PPARGC1A: variants seen among roughly 807,000 people sequenced by gnomAD.
PPARGC1A encodes the protein peroxisome proliferator-activated receptor gamma coactivator 1-alpha.
Under a neutral mutation model 88.7 loss-of-function variants are expected in PPARGC1A, and 25 were observed. That is an observed-to-expected ratio of 0.28 (90% CI 0.21 to 0.39). The LOEUF is 0.39. PPARGC1A is among the 10% of genes least tolerant of loss of function. The pLI is 1.00. For synonymous variants in PPARGC1A, 363 were observed against 355.6 expected, an observed-to-expected ratio of 1.02 and a Z score of -0.24; for missense variants, 880 against 968.7, an observed-to-expected ratio of 0.91 and a Z score of 1.22.
the PPARGC1A span, among the ~76,000 whole-genome samples, chr4:24,088,373 AGAAGAAG>A: frequency 3.3e-5 from 5 of 151,934 alleles, no homozygotes; most frequent in African/African-American, 9.7e-5. Context: ...AAAAAAAGAA[AGAAGAAG>A]GAAGAAGGAA....
At chr4:24,414,544 TG>T in the PPARGC1A span, among the ~76,000 whole-genome samples, 1 of 152,192 alleles carries the variant, frequency 6.6e-6, no homozygotes, top group Non-Finnish European at 1.5e-5. Context: ...CCTAGTTCAG[TG>T]GTCCCCAGTC....
At chr4:24,454,106 A>G in the PPARGC1A span, among the ~76,000 whole-genome samples, 322 of 151,946 alleles carry the variant, frequency 2.1e-3, 1 homozygote, top group Middle Eastern at 0.01. Flanking sequence ...AAACGTGGAT[A>G]CATGGCTGTG....
At chr4:24,354,877 A>G in the PPARGC1A span, among the ~76,000 whole-genome samples, 7 of 148,408 alleles carry the variant, frequency 4.7e-5, no homozygotes, top group African/African-American at 1.7e-4. Flanking sequence ...ACAGAGCAAG[A>G]CTGTCAAAAA....
chr4:24,221,000 G>A, the PPARGC1A span, among the ~76,000 whole-genome samples: 1 of 152,126 alleles, frequency 6.6e-6, no homozygotes, highest in South Asian at 2.1e-4. Flanking sequence ...AAAAAAAAAT[G>A]AGGACATCTC....
chr4:24,073,490 C>T, the PPARGC1A span, among the ~76,000 whole-genome samples: 1 of 152,166 alleles, frequency 6.6e-6, no homozygotes, highest in Admixed American at 6.5e-5. Context: ...GAACCCTGAC[C>T]CCTTAACTTG....
the PPARGC1A span, among the ~76,000 whole-genome samples, chr4:24,166,456 C>T: frequency 1.9e-4 from 29 of 152,184 alleles, no homozygotes; most frequent in Non-Finnish European, 1.5e-5. Context: ...GAAGAAGATG[C>T]CATCTAGGAC....
the PPARGC1A span, among the ~76,000 whole-genome samples, chr4:24,047,793 A>G: frequency 3.3e-5 from 5 of 152,198 alleles, no homozygotes; most frequent in African/African-American, 1.2e-4. Context: ...CAGAAATCCT[A>G]TTCATGAACC....
chr4:23,979,849 C>G, the PPARGC1A span, among the ~76,000 whole-genome samples: 1 of 152,254 alleles, frequency 6.6e-6, no homozygotes, highest in East Asian at 1.9e-4. Context: ...TTGCTGAGGA[C>G]AGGTGTAGTG....
chr4:24,033,233 G>A, the PPARGC1A span, among the ~76,000 whole-genome samples: 1 of 152,170 alleles, frequency 6.6e-6, no homozygotes, highest in Non-Finnish European at 1.5e-5. Context: ...TCTGTATAAT[G>A]GAGGTAATTA....
chr4:24,266,635 G>A, the PPARGC1A span, among the ~76,000 whole-genome samples: 1 of 152,142 alleles, frequency 6.6e-6, no homozygotes, highest in Non-Finnish European at 1.5e-5. Flanking sequence ...GTAGAGTGCG[G>A]CTTAAGGGCA....
intron 2 of PPARGC1A, among the ~76,000 whole-genome samples, chr4:23,848,555 C>G (rs1479199437): frequency 1.3e-5 from 2 of 152,132 alleles, no homozygotes; most frequent in Admixed American, 6.5e-5. Flanking sequence ...TGGAATAGAT[C>G]TGCACACGAT....
the PPARGC1A span, among the ~76,000 whole-genome samples, chr4:24,144,371 A>G: frequency 3.3e-5 from 5 of 152,078 alleles, no homozygotes; most frequent in Non-Finnish European, 7.4e-5. Flanking sequence ...TCTGATGGAG[A>G]TATACATAGG....
the PPARGC1A span, among the ~76,000 whole-genome samples, chr4:24,369,609 A>C: frequency 1.3e-5 from 2 of 152,206 alleles, no homozygotes; most frequent in Non-Finnish European, 2.9e-5. Context: ...ACAGAGAAAG[A>C]AATATAAAAC....
chr4:23,815,312 G>T (rs1422144524), intron 7 of PPARGC1A, among the ~76,000 whole-genome samples: 2 of 151,980 alleles, frequency 1.3e-5, no homozygotes, highest in African/African-American at 2.4e-5. Flanking sequence ...GGCTAATGTA[G>T]GTATAATACA....
intron 2 of PPARGC1A, among the ~76,000 whole-genome samples, chr4:23,874,505 A>G (rs1367024055): frequency 6.6e-6 from 1 of 151,966 alleles, no homozygotes; most frequent in Non-Finnish European, 1.5e-5. Flanking sequence ...ACATTTGTCT[A>G]TTGGACTAAT....
intron 2 of PPARGC1A, among the ~76,000 whole-genome samples, chr4:23,877,537 CAAAAAAAAA>C (rs11354781): frequency 4.0e-5 from 2 of 49,868 alleles, no homozygotes; most frequent in Non-Finnish European, 6.4e-5. Context: ...GACTCCATCT[CAAAAAAAAA>C]AAAAAAAAAA....
the PPARGC1A span, among the ~76,000 whole-genome samples, chr4:24,043,982 G>C: frequency 6.6e-6 from 1 of 152,174 alleles, no homozygotes; most frequent in Non-Finnish European, 1.5e-5. Flanking sequence ...CAGTGGTTTT[G>C]GCTTCTGAGT....
At chr4:23,865,337 G>T (rs1431500583) in intron 2 of PPARGC1A, among the ~76,000 whole-genome samples, 1 of 152,170 alleles carries the variant, frequency 6.6e-6, no homozygotes, top group Non-Finnish European at 1.5e-5. Flanking sequence ...CTGAGGAGAA[G>T]CAGTAAGAAC....
the PPARGC1A span, among the ~76,000 whole-genome samples, chr4:24,387,904 GAGA>G: frequency 4.0e-5 from 1 of 25,204 alleles, no homozygotes; most frequent in African/African-American, 8.2e-5. Flanking sequence ...GAAAAAGAAA[GAGA>G]AAGAAAGAAA....
Sources: allele counts gnomAD v4.1 joint callset (sites outside exome capture counted in the v4.1 genomes callset), GRCh38; gene constraint gnomAD v4.1.1; transcripts MANE v1.5; gene names NCBI Gene and HGNC (gene_info 2026-07-23, HGNC 2026-07-21).